Variants in RBL1 observed in about 807,000 individuals in gnomAD.
RBL1 encodes the protein retinoblastoma-like protein 1.
RBL1 carries 82 observed loss-of-function variants against 123.0 expected under a neutral mutation model. The observed-to-expected ratio is 0.67, with a 90% CI of 0.56 to 0.80. The LOEUF (loss-of-function observed/expected upper bound fraction) is 0.80, where lower values mean the gene tolerates loss of function less well. RBL1 is among the 30% of genes least tolerant of loss of function. RBL1 has a pLI of 0.00. For synonymous variants in RBL1, 405 were observed against 441.3 expected, an observed-to-expected ratio of 0.92 and a Z score of 1.03; for missense variants, 1,171 against 1,299.6, an observed-to-expected ratio of 0.90 and a Z score of 1.52.
chr20:37,078,808 T>C (rs1295724685), intron 2 of RBL1, among the ~76,000 whole-genome samples: 1 of 151,230 alleles, frequency 6.6e-6, no homozygotes, highest in African/African-American at 2.4e-5. Context: ...ATTTGAAGTT[T>C]AACACTAATA....
At chr20:37,069,037 G>T (rs1255973701) in intron 2 of RBL1, among the ~76,000 whole-genome samples, 1 of 152,242 alleles carries the variant, frequency 6.6e-6, no homozygotes. Flanking sequence ...ACGGGGTTTC[G>T]CTGTGTTGGC....
At chr20:37,038,409 C>CT (rs1231965418) in intron 14 of RBL1, among the ~76,000 whole-genome samples, 5 of 143,868 alleles carry the variant, frequency 3.5e-5, no homozygotes, top group Admixed American at 7.1e-5. Flanking sequence ...TCAAGTGATT[C>CT]CCTGCCTCAG....
intron 8 of RBL1, 103 bp downstream of exon 8, chr20:37,061,978 TAGA>T (rs776788695): frequency 4.7e-5 from 59 of 1,267,884 alleles, no homozygotes; most frequent in Non-Finnish European, 5.7e-5. Context: ...TATGAATTAG[TAGA>T]AGAAGCTCAA....
intron 11 of RBL1, 152 bp from the exon 12 acceptor site, chr20:37,047,342 G>C: frequency 1.2e-6 from 1 of 854,098 alleles, no homozygotes; most frequent in Non-Finnish European, 1.7e-6. Flanking sequence ...CAAATTGGTA[G>C]TTTTCCTATA....
intron 1 of RBL1, among the ~76,000 whole-genome samples, chr20:37,093,670 G>A (rs180742558): frequency 1.3e-5 from 2 of 148,718 alleles, no homozygotes; most frequent in Non-Finnish European, 3.0e-5. Context: ...TTGAGATGGA[G>A]TTACACTCTT....
At chr20:37,085,132 C>CTT (rs1212338574) in intron 2 of RBL1, among the ~76,000 whole-genome samples, 3 of 132,980 alleles carry the variant, frequency 2.3e-5, no homozygotes, top group Non-Finnish European at 3.2e-5. Flanking sequence ...CTTTTCTTTT[C>CTT]TTTTTTTTTT....
At chr20:37,013,853 A>G (rs1256279647) in intron 19 of RBL1, among the ~76,000 whole-genome samples, 1 of 152,178 alleles carries the variant, frequency 6.6e-6, no homozygotes, top group African/African-American at 2.4e-5. Flanking sequence ...GAACTGGGAT[A>G]TATGAACTTA....
intron 2 of RBL1, among the ~76,000 whole-genome samples, chr20:37,083,759 C>T (rs1056047497): frequency 2.0e-5 from 3 of 149,098 alleles, no homozygotes; most frequent in South Asian, 4.3e-4. Flanking sequence ...GAGCAGAGAC[C>T]GTGCATTGCA....
At chr20:37,004,200 AGCTGGGATTACAGGCATGT>A (rs1160688406) in intron 20 of RBL1, among the ~76,000 whole-genome samples, 197 of 151,560 alleles carry the variant, frequency 1.3e-3, no homozygotes, top group African/African-American at 4.4e-3. Context: ...CCTCCCAAGT[AGCTGGGATTACAGGCATGT>A]GCTGGGATTA....
intron 1 of RBL1, among the ~76,000 whole-genome samples, chr20:37,090,538 A>C (rs572002388): frequency 1.2e-4 from 18 of 152,322 alleles, no homozygotes; most frequent in African/African-American, 4.3e-4. Flanking sequence ...AATTAATATT[A>C]ATCTTACGCA....
At chr20:37,002,895 TG>T (rs1189688744) in intron 21 of RBL1, among the ~76,000 whole-genome samples, 1 of 151,828 alleles carries the variant, frequency 6.6e-6, no homozygotes, top group Non-Finnish European at 1.5e-5. Flanking sequence ...GCTAATTTTT[TG>T]TATTTTTAGT....
At chr20:37,059,210 C>T (rs888579439) in intron 9 of RBL1, among the ~76,000 whole-genome samples, 1 of 152,162 alleles carries the variant, frequency 6.6e-6, no homozygotes, top group Non-Finnish European at 1.5e-5. Context: ...GACAGTCTTC[C>T]TATCTTACTG....
chr20:37,088,188 C>T (rs2065581672), intron 2 of RBL1, among the ~76,000 whole-genome samples: 1 of 151,602 alleles, frequency 6.6e-6, no homozygotes, highest in South Asian at 2.1e-4. Context: ...TCGCTTGAAC[C>T]CAGGAGGCAG....
In RBL1 at chr20:37,048,899, A is replaced by AT. The variant is rs2064857034; in HGVS notation, c.1468-1710dup. On this transcript the variant is annotated intron_variant, in intron 11 of 21. Transcript: ENST00000373664. ...GAGCAACATAGCGAGACACCATCGT[A>AT]TTAAAAAAAAAAAAAAAAAAAGCCA... 2.1e-5 allele frequency among the ~76,000 whole-genome samples: 3 copies of AT among 145,212 alleles called. 1 individual carries two copies. The highest frequency in any genetic ancestry group is 2.2e-4 in the South Asian group (1 of 4,564).
At chr20:37,093,264 TA>T (rs11484189) in intron 1 of RBL1, among the ~76,000 whole-genome samples, 1 of 151,936 alleles carries the variant, frequency 6.6e-6, no homozygotes, top group African/African-American at 2.4e-5. Flanking sequence ...CAAATACCTT[TA>T]AAAAATTGAT....
At chr20:37,049,200 CCAAAAAACAAAAAA>C (rs138119443) in intron 11 of RBL1, 35 of 366,996 alleles carry the variant, frequency 9.5e-5, no homozygotes, top group African/African-American at 6.9e-4. Flanking sequence ...AGACTCTGTC[CCAAAAAACAAAAAA>C]CAAAAAACAA....
intron 1 of RBL1, among the ~76,000 whole-genome samples, chr20:37,092,974 C>T (rs530181215): frequency 6.6e-6 from 1 of 152,182 alleles, no homozygotes; most frequent in Non-Finnish European, 1.5e-5. Flanking sequence ...TTTCTGATCT[C>T]ACAGAACTTC....
chr20:37,007,573 T>C lies in RBL1; in HGVS notation c.2723-14A>G. Reference sequence around the variant, plus strand: ...CATCTTCTAAGTCTGTTAAAAAGAATGCAATGTTGTGATACAAAGCATACT... The same window carrying C: ...CATCTTCTAAGTCTGTTAAAAAGAACGCAATGTTGTGATACAAAGCATACT... On this transcript the variant is annotated splice_polypyrimidine_tract_variant and intron_variant, in intron 19 of 21. Coordinates refer to ENST00000373664, the MANE Select transcript of RBL1 (RefSeq NM_002895.5). 1.2e-6 allele frequency: 2 copies of C among 1,608,576 alleles called. No homozygotes were observed. The highest frequency in any genetic ancestry group is 1.3e-5 in the African/African-American group (1 of 74,612).
chr20:37,022,256 C>G (rs1003746336), intron 17 of RBL1, among the ~76,000 whole-genome samples: 2 of 152,186 alleles, frequency 1.3e-5, no homozygotes, highest in Admixed American at 1.3e-4. Context: ...CACGTTGTAG[C>G]AACTAGAAAG....
Sources: allele counts gnomAD v4.1 joint callset (sites outside exome capture counted in the v4.1 genomes callset), GRCh38; gene constraint gnomAD v4.1.1; transcripts MANE v1.5; gene names NCBI Gene and HGNC (gene_info 2026-07-23, HGNC 2026-07-21).